The following DGKB variants were observed in gnomAD, a reference collection of about 807,000 sequenced individuals.
DGKB encodes the protein diacylglycerol kinase beta.
Under a neutral mutation model 114.3 loss-of-function variants are expected in DGKB, and 67 were observed. That is an observed-to-expected ratio of 0.59 (90% CI 0.48 to 0.72). DGKB has a LOEUF of 0.72. Ranked by LOEUF, DGKB falls within the 30% of genes least tolerant of loss-of-function variation. The probability of loss-of-function intolerance (pLI) is 0.00; values close to 1 mark genes in which losing one functional copy is unlikely to be tolerated. For synonymous variants in DGKB, 398 were observed against 323.1 expected (o/e 1.23, Z -2.49); for missense variants, 907 against 975.2 (o/e 0.93, Z 0.93).
chr7:14,896,728 G>A (rs570863490), intron 1 of DGKB, among the ~76,000 whole-genome samples: 6 of 151,782 alleles, frequency 4.0e-5, no homozygotes, highest in Non-Finnish European at 8.9e-5. Flanking sequence ...TAGAATTTAA[G>A]TTACTTGCTT....
At chr7:14,360,136 A>G (rs1195382498) in intron 21 of DGKB, among the ~76,000 whole-genome samples, 2 of 152,158 alleles carry the variant, frequency 1.3e-5, no homozygotes, top group African/African-American at 2.4e-5. Flanking sequence ...TACAGCCATA[A>G]AAAAGGATGA....
At chr7:14,516,971 G>C (rs1788899953) in intron 20 of DGKB, among the ~76,000 whole-genome samples, 1 of 151,864 alleles carries the variant, frequency 6.6e-6, no homozygotes, top group Non-Finnish European at 1.5e-5. Context: ...AATTCATACA[G>C]AACCAAAAAA....
At chr7:14,346,938 A>G (rs1812573793) in intron 21 of DGKB, among the ~76,000 whole-genome samples, 1 of 152,032 alleles carries the variant, frequency 6.6e-6, no homozygotes, top group Admixed American at 6.6e-5. Context: ...GCAACTTTCT[A>G]ATAACATTTT....
intron 16 of DGKB, among the ~76,000 whole-genome samples, chr7:14,609,672 G>GA (rs993846922): frequency 6.6e-6 from 1 of 151,636 alleles, no homozygotes. Flanking sequence ...AAATCAATGG[G>GA]AAAAAAACAA....
intron 23 of DGKB, among the ~76,000 whole-genome samples, chr7:14,225,238 C>T (rs939312430): frequency 2.6e-5 from 4 of 152,034 alleles, no homozygotes; most frequent in African/African-American, 9.7e-5. Context: ...CCTCTGACAG[C>T]CTTCAAACTG....
intron 2 of DGKB, among the ~76,000 whole-genome samples, chr7:14,839,475 C>T (rs935840742): frequency 5.5e-5 from 8 of 145,816 alleles, no homozygotes; most frequent in Admixed American, 2.8e-4. Context: ...CACAATGGCT[C>T]ACTGCAGCCT....
intron 23 of DGKB, among the ~76,000 whole-genome samples, chr7:14,193,579 A>T (rs916420536): frequency 6.6e-6 from 1 of 152,236 alleles, no homozygotes; most frequent in Admixed American, 6.5e-5. Context: ...GTAAAGTTTG[A>T]AACTATGAAA....
rs1587363028 is a variant in DGKB, at chr7:14,910,317, C to G, written c.-188+64379G>C. On this transcript the variant is annotated intron_variant, in intron 1 of 4. Transcript: ENST00000437998. ...AAGAAAGAAAGAAAGAAAGAAAGAA[C>G]CTTATATATTAGGAGAAGGCAAAAA... Among the ~76,000 whole-genome samples the G allele has an allele frequency of 3.5e-5, 5 of 141,796 alleles. No individual in the cohort carries two copies. In the East Asian group the frequency reaches 1.1e-3, roughly 30 times the overall value. 93.0% of individuals were successfully genotyped at this position (141,796 alleles called of 152,430 possible).
intron 25 of DGKB, among the ~76,000 whole-genome samples, chr7:14,174,680 G>C (rs1781465765): frequency 6.6e-6 from 1 of 151,818 alleles, no homozygotes; most frequent in Non-Finnish European, 1.5e-5. Context: ...ATTACCACGA[G>C]TTTTACCACT....
intron 2 of DGKB, among the ~76,000 whole-genome samples, chr7:14,811,998 G>A (rs1056755958): frequency 7.9e-5 from 12 of 151,942 alleles, no homozygotes; most frequent in African/African-American, 2.9e-4. Flanking sequence ...GTGTTTCTGC[G>A]AATTTGACGA....
chr7:14,174,755 T>C (rs750181080), intron 25 of DGKB, among the ~76,000 whole-genome samples: 1 of 152,068 alleles, frequency 6.6e-6, no homozygotes, highest in Non-Finnish European at 1.5e-5. Flanking sequence ...ACCTCTGCAA[T>C]AGCATCACCA....
chr7:14,321,634 G>C (rs1807833569), intron 23 of DGKB, among the ~76,000 whole-genome samples: 1 of 151,070 alleles, frequency 6.6e-6, no homozygotes, highest in African/African-American at 2.4e-5. Flanking sequence ...AGGATTAAGG[G>C]TAAAAAAAGA....
chr7:14,271,707 C>A (rs1188131412), intron 23 of DGKB, among the ~76,000 whole-genome samples: 1 of 152,158 alleles, frequency 6.6e-6, no homozygotes, highest in Non-Finnish European at 1.5e-5. Flanking sequence ...AAGGTATTCT[C>A]AGCTTAAATG....
intron 20 of DGKB, among the ~76,000 whole-genome samples, chr7:14,516,706 T>C (rs1326201400): frequency 6.6e-6 from 1 of 152,180 alleles, no homozygotes; most frequent in South Asian, 2.1e-4. Flanking sequence ...ATGCTACTAA[T>C]TTTTATACAT....
At chr7:14,279,226 G>T (rs566270146) in intron 23 of DGKB, among the ~76,000 whole-genome samples, 2 of 145,332 alleles carry the variant, frequency 1.4e-5, no homozygotes, top group South Asian at 4.2e-4. Context: ...GGCTCGGAGG[G>T]TCCTACCCCC....
chr7:14,853,017 G>T (rs1849614716), intron 1 of DGKB, among the ~76,000 whole-genome samples: 1 of 152,048 alleles, frequency 6.6e-6, no homozygotes, highest in Non-Finnish European at 1.5e-5. Context: ...AGCACTTCCT[G>T]GAAACTGATG....
intron 1 of DGKB, among the ~76,000 whole-genome samples, chr7:14,924,045 T>G (rs1360001990): frequency 6.7e-6 from 1 of 150,180 alleles, no homozygotes; most frequent in Non-Finnish European, 1.5e-5. Context: ...GAATATGACC[T>G]GAAGGCAGAA....
chr7:14,718,623 A>G lies in DGKB; in HGVS notation c.385T>C (p.Ser129Pro). The G allele has an allele frequency of 6.2e-7, 1 of 1,612,054 alleles. No homozygotes were observed. The highest frequency in any genetic ancestry group is 8.5e-7 in the Non-Finnish European group (1 of 1,178,428). Residue 129 changes from serine to proline, a missense_variant, in exon 6 of 26, where the codon TCC (serine) becomes CCC (proline). Transcript: ENST00000402815. ...TCCTTCAGATGGATTACTTCTGGGG[A>G]ACACGTATTTGCAGGAGAAGTAGTC... is the stretch of plus-strand genomic sequence containing the variant. ...PRTTSPANTC[S>P]PEVIHLKDIV...
intron 13 of DGKB, among the ~76,000 whole-genome samples, chr7:14,639,025 T>C (rs934817785): frequency 6.6e-6 from 1 of 151,092 alleles, no homozygotes; most frequent in Admixed American, 6.6e-5. Flanking sequence ...GCAACAAGAG[T>C]GAAACTCCAT....
Sources: allele counts gnomAD v4.1 joint callset (sites outside exome capture counted in the v4.1 genomes callset), GRCh38; gene constraint gnomAD v4.1.1; transcripts MANE v1.5; gene names NCBI Gene and HGNC (gene_info 2026-07-23, HGNC 2026-07-21).